Variants in GLG1 observed in about 807,000 individuals in gnomAD.
The protein encoded by GLG1 is golgi glycoprotein 1, also known as Golgi apparatus protein 1.
In GLG1, 38 loss-of-function variants were observed where a neutral mutation model predicts 160.5. The observed-to-expected ratio is 0.24, with a 90% CI of 0.18 to 0.31. The LOEUF is 0.31. Ranked by LOEUF, GLG1 falls within the 10% of genes least tolerant of loss-of-function variation. The probability of loss-of-function intolerance (pLI) is 1.00; values close to 1 mark genes in which losing one functional copy is unlikely to be tolerated. For synonymous variants in GLG1, 644 were observed against 543.4 expected, an observed-to-expected ratio of 1.19 and a Z score of -2.57; for missense variants, 1,373 against 1,505.2, an observed-to-expected ratio of 0.91 and a Z score of 1.45.
chr16:74,588,345 G>C (rs539767139), intron 1 of GLG1, among the ~76,000 whole-genome samples: 2 of 152,260 alleles, frequency 1.3e-5, no homozygotes, highest in Non-Finnish European at 2.9e-5. Flanking sequence ...TAACAGAGAA[G>C]CAATGTGGTA....
At position 74,447,481 on chromosome 16, in the gene GLG1, C is replaced by G. The variant is rs2143067744; in HGVS notation, c.*5686G>C. 2.0e-5 allele frequency: 3 copies of G among 152,042 alleles called. No homozygotes were observed. In the South Asian group the frequency reaches 6.2e-4, roughly 32 times the overall value. 9.4% of individuals were successfully genotyped at this position (152,042 alleles called of 1,614,324 possible). ...ATTAAATTCTCCCATTTCATCTGTACAGAAAAAAATGCACATTATGTTCAG... is the reference window on the plus strand; with the variant it reads ...ATTAAATTCTCCCATTTCATCTGTAGAGAAAAAAATGCACATTATGTTCAG... On this transcript the variant is annotated 3_prime_UTR_variant, in exon 26 of 26. Coordinates refer to ENST00000422840, the MANE Select transcript of GLG1 (RefSeq NM_001145667.2).
chr16:74,557,915 T>C (rs1197881570), intron 1 of GLG1, among the ~76,000 whole-genome samples: 1 of 152,152 alleles, frequency 6.6e-6, no homozygotes, highest in Non-Finnish European at 1.5e-5. Flanking sequence ...AAGATTGTGC[T>C]GAGGGGATAA....
chr16:74,538,278 C>A (rs949162843), intron 1 of GLG1, among the ~76,000 whole-genome samples: 1 of 150,996 alleles, frequency 6.6e-6, no homozygotes, highest in East Asian at 1.9e-4. Context: ...ATTGGAGACA[C>A]TCTGCTGCAG....
rs1245139286 is a variant in GLG1 at position 74,532,668 on chromosome 16, C to T, written c.439-515G>A. On this transcript the variant is annotated intron_variant, in intron 1 of 25. Transcript: ENST00000422840. ...GCTCCCGAGTAGCTGGGACTACAGG[C>T]GCAATGTCACCAAGCCCAGCTAATT... 5.3e-5 allele frequency among the ~76,000 whole-genome samples: 8 copies of T among 151,948 alleles called. No homozygotes were observed. The South Asian group carries it at 8.3e-4, about 16-fold the overall frequency.
intron 8 of GLG1, among the ~76,000 whole-genome samples, chr16:74,487,687 T>G (rs2015842580): frequency 6.6e-6 from 1 of 151,972 alleles, no homozygotes; most frequent in Admixed American, 6.6e-5. Flanking sequence ...GGAAGCAACA[T>G]GGGAGTCTGC....
intron 12 of GLG1, among the ~76,000 whole-genome samples, chr16:74,476,692 T>A (rs1347959295): frequency 6.6e-6 from 1 of 152,154 alleles, no homozygotes; most frequent in Non-Finnish European, 1.5e-5. Context: ...TGGGACACAA[T>A]CCTAAGGAGC....
intron 1 of GLG1, among the ~76,000 whole-genome samples, chr16:74,604,045 C>T (rs939494349): frequency 5.9e-5 from 9 of 151,518 alleles, no homozygotes; most frequent in African/African-American, 2.2e-4. Flanking sequence ...AATCCCAGCA[C>T]TTTGGAAAGC....
intron 1 of GLG1, among the ~76,000 whole-genome samples, chr16:74,606,075 T>C (rs2143934729): frequency 6.6e-6 from 1 of 152,274 alleles, no homozygotes; most frequent in Middle Eastern, 3.4e-3. Flanking sequence ...TTCCCCAACT[T>C]TTCAAGCTTT....
At chr16:74,563,758 A>G (rs972941467) in intron 1 of GLG1, among the ~76,000 whole-genome samples, 3 of 152,036 alleles carry the variant, frequency 2.0e-5, no homozygotes, top group Admixed American at 2.0e-4. Flanking sequence ...AAAGAAAAAA[A>G]AAAGAAATTT....
Position 74,452,606 on chromosome 16 carries a change from T to A in GLG1, c.*561A>T. ...TGGGGAACGGCTGCCCACCCACGCC[T>A]CGGTGAAGACCACGGCCCTGGCGAG... is the stretch of plus-strand genomic sequence containing the variant. On this transcript the variant is annotated 3_prime_UTR_variant, in exon 26 of 26. Transcript: ENST00000422840. 1.0e-6 allele frequency: 1 copy of A among 1,001,560 alleles called. No individual in the cohort carries two copies. The highest frequency in any genetic ancestry group is 4.4e-5 in the South Asian group (1 of 22,870). The allele number at this position is 1,001,560 out of a possible 1,614,324, so 62.0% of individuals were successfully genotyped here. A position where few individuals can be genotyped will look rare whatever the true frequency, so the allele number is the denominator to read the frequency against.
chr16:74,530,432 T>C (rs2017497361), intron 2 of GLG1, among the ~76,000 whole-genome samples: 2 of 152,198 alleles, frequency 1.3e-5, no homozygotes, highest in African/African-American at 2.4e-5. Flanking sequence ...CTGTAGTCAC[T>C]GTTGCAGTTA....
chr16:74,448,050 G>C lies in GLG1; in HGVS notation c.*5117C>G, dbSNP rs2014136587. The C allele has an allele frequency of 6.6e-6, 1 of 152,452 alleles. No individual in the cohort carries two copies. The highest frequency in any genetic ancestry group is 2.4e-5 in the African/African-American group (1 of 41,478). The allele number at this position is 152,452 out of a possible 1,614,324, so 9.4% of individuals were successfully genotyped here. A position where few individuals can be genotyped will look rare whatever the true frequency, so the allele number is the denominator to read the frequency against. On this transcript the variant is annotated 3_prime_UTR_variant, in exon 26 of 26. Transcript: ENST00000422840. ...GTCAGGATCCTGTCACCACCAGCCT[G>C]AGCAGACAGTCCCATCTTTGTGATC...
intron 22 of GLG1, 51 bp downstream of exon 22, chr16:74,462,043 A>T (rs926807835): frequency 2.1e-6 from 2 of 934,634 alleles, no homozygotes; most frequent in African/African-American, 1.6e-5. Context: ...TCTCCAGTGG[A>T]AACTTCTCTG....
intron 1 of GLG1, among the ~76,000 whole-genome samples, chr16:74,537,716 A>T (rs1337858488): frequency 2.7e-5 from 4 of 146,146 alleles, no homozygotes; most frequent in African/African-American, 5.1e-5. Flanking sequence ...TGTGGAATTT[A>T]AAAATGTACT....
chr16:74,471,132 A>G (rs768474065), intron 15 of GLG1, 41 bp downstream of exon 15: 5 of 995,520 alleles, frequency 5.0e-6, no homozygotes, highest in Non-Finnish European at 8.1e-6. Flanking sequence ...GTCAACATCC[A>G]GGCAGCTATG....
intron 13 of GLG1, among the ~76,000 whole-genome samples, chr16:74,474,003 G>C (rs2015311424): frequency 1.3e-5 from 2 of 152,076 alleles, no homozygotes; most frequent in South Asian, 2.1e-4. Context: ...GCCCAGGCTG[G>C]AGTACAGTGG....
chr16:74,529,168 C>T (rs1264872396), intron 2 of GLG1, among the ~76,000 whole-genome samples: 1 of 151,834 alleles, frequency 6.6e-6, no homozygotes, highest in African/African-American at 2.4e-5. Context: ...GGTTTTTTAC[C>T]GTGTTGAACA....
Position 74,581,534 on chromosome 16 carries a change from TA to T in GLG1, c.438+25122del, listed in dbSNP as rs33982914. 2.0e-3 allele frequency among the ~76,000 whole-genome samples: 268 copies of T among 132,012 alleles called. 3 individuals carry two copies. The highest frequency in any genetic ancestry group is 4.4e-3 in the African/African-American group (156 of 35,230). The allele number at this position is 132,012 out of a possible 152,430, so 86.6% of individuals were successfully genotyped here. On this transcript the variant is annotated intron_variant, in intron 1 of 25. Transcript: ENST00000422840. ...GATTATGGAGATTCAATGTAAGATT[TA>T]AAAAAAAAAAAAAAAAAGGCCAGGA... is the stretch of plus-strand genomic sequence containing the variant.
chr16:74,601,542 TTGTGA>T (rs1373615532), intron 1 of GLG1, among the ~76,000 whole-genome samples: 1 of 152,238 alleles, frequency 6.6e-6, no homozygotes, highest in African/African-American at 2.4e-5. Context: ...AGTTCACTTT[TTGTGA>T]TGTTCCATGG....
Sources: gnomAD v4.1 joint callset for allele counts (sites outside exome capture counted in the v4.1 genomes callset) on GRCh38, gnomAD v4.1.1 for gene constraint, MANE v1.5 for transcripts, NCBI Gene and HGNC (gene_info 2026-07-23, HGNC 2026-07-21) for gene names.